The following BTC variants were observed in gnomAD, a reference collection of about 807,000 sequenced individuals.
BTC encodes betacellulin.
Under a neutral mutation model 18.1 loss-of-function variants are expected in BTC, and 13 were observed. The ratio of observed to expected loss-of-function variants is 0.72; its 90% CI spans 0.47 to 1.14. The LOEUF is 1.14. BTC is among the 50% of genes most tolerant of loss of function. BTC has a pLI of 0.00. For synonymous variants in BTC, 83 were observed against 79.4 expected (o/e 1.05, Z -0.24); for missense variants, 247 against 224.2 (o/e 1.10, Z -0.65).
intron 1 of BTC, among the ~76,000 whole-genome samples, chr4:74,783,076 A>G (rs1725379264): frequency 6.6e-6 from 1 of 152,028 alleles, no homozygotes; most frequent in Admixed American, 6.6e-5. Flanking sequence ...AACAGTTTCT[A>G]TTGCTGTGCA....
chr4:74,788,156 A>T (rs1380756517), intron 1 of BTC, among the ~76,000 whole-genome samples: 1 of 152,234 alleles, frequency 6.6e-6, no homozygotes, highest in Non-Finnish European at 1.5e-5. Context: ...GAACTGTATC[A>T]ATAATTCAGG....
intron 5 of BTC, among the ~76,000 whole-genome samples, chr4:74,747,146 T>A (rs1724313564): frequency 6.6e-6 from 1 of 152,192 alleles, no homozygotes; most frequent in Non-Finnish European, 1.5e-5. Context: ...TTGAGTTGGA[T>A]TTTATGTTAT....
At chr4:74,793,378 G>T in intron 1 of BTC, among the ~76,000 whole-genome samples, 1 of 152,102 alleles carries the variant, frequency 6.6e-6, no homozygotes, top group East Asian at 1.9e-4. Flanking sequence ...TTCATTTGTG[G>T]TGTCCCCTTC....
At position 74,794,492 on chromosome 4, in the gene BTC, C is replaced by T; in HGVS notation, c.-167G>A. On this transcript the variant is annotated 5_prime_UTR_variant, in exon 1 of 6. It adds an upstream start codon to the 5' untranslated region. Coordinates refer to ENST00000395743, the MANE Select transcript of BTC (RefSeq NM_001729.4). ...ACCCTGGCTACAAGGCAGGGAAACA[C>T]CCAGGGCGGGAGGCCGGCCGGCTCC... The T allele has an allele frequency of 3.8e-6, 3 of 784,900 alleles. No homozygotes were observed. The highest frequency in any genetic ancestry group is 5.8e-6 in the Non-Finnish European group (3 of 517,162). The allele number at this position is 784,900 out of a possible 1,614,324, so 48.6% of individuals were successfully genotyped here.
At chr4:74,755,402 AC>A (rs1366020814) in intron 3 of BTC, among the ~76,000 whole-genome samples, 7 of 152,208 alleles carry the variant, frequency 4.6e-5, no homozygotes, top group Non-Finnish European at 7.3e-5. Context: ...ACTATACTAA[AC>A]AGGCTTCGCT....
intron 1 of BTC, among the ~76,000 whole-genome samples, chr4:74,793,962 T>C (rs1725700691): frequency 6.6e-6 from 1 of 150,584 alleles, no homozygotes; most frequent in Non-Finnish European, 1.5e-5. Context: ...CCCTCTGCTG[T>C]GCGCACAAGT....
chr4:74,773,433 C>A (rs1725095916), intron 1 of BTC, among the ~76,000 whole-genome samples: 1 of 152,038 alleles, frequency 6.6e-6, no homozygotes, highest in Non-Finnish European at 1.5e-5. Context: ...ACAAAACTAT[C>A]TACTAAACAA....
Position 74,748,154 on chromosome 4 carries a change from G to A in BTC, c.429-5C>T. 6.4e-7 allele frequency: 1 copy of A among 1,571,424 alleles called. No individual in the cohort carries two copies. The highest frequency in any genetic ancestry group is 1.7e-4 in the Middle Eastern group (1 of 5,994). The stretch of plus-strand genomic sequence containing the variant: ...TTACGACGTTTCCGAAGAGGGCTTG[G>A]AAAATACGTGTTAGAAGTTAGTATG... On this transcript the variant is annotated splice_polypyrimidine_tract_variant and splice_region_variant and intron_variant, in intron 4 of 5. Coordinates refer to ENST00000395743, the MANE Select transcript of BTC (RefSeq NM_001729.4).
At chr4:74,787,988 T>A (rs1725526127) in intron 1 of BTC, among the ~76,000 whole-genome samples, 1 of 152,146 alleles carries the variant, frequency 6.6e-6, no homozygotes, top group Admixed American at 6.6e-5. Context: ...CTGTAGGGAA[T>A]AAGGTAAAAG....
In BTC at chr4:74,748,096, A is replaced by G; in HGVS notation, c.482T>C (p.Leu161Pro). The G allele has an allele frequency of 6.2e-7, 1 of 1,611,156 alleles. No homozygotes were observed. ...ATTGATAGGAGTTATATCTTTACCCAGAGTTTCCATTTCTTCTTCTTTCTT... is the reference window on the plus strand; with the variant it reads ...ATTGATAGGAGTTATATCTTTACCCGGAGTTTCCATTTCTTCTTCTTTCTT... ...RKKKEEEMET[L>P]GKDITPINED... is the part of the protein sequence containing the mutation. The change falls in exon 5 of 6, where the codon CTG becomes CCG. Residue 161 changes from leucine (L) to proline (P), a missense_variant. Physicochemically the swap from Leu to Pro is moderately conservative, Grantham distance 98. Transcript: ENST00000395743.
Position 74,786,665 on chromosome 4 carries a change from G to C in BTC, c.64+7597C>G, listed in dbSNP as rs770117222. Reference sequence around the variant, plus strand: ...CTGACATCTCACAGAATTCAAGGGTGTTTTTAAATAAACCACTGGAGAGTG... The same window carrying C: ...CTGACATCTCACAGAATTCAAGGGTCTTTTTAAATAAACCACTGGAGAGTG... On this transcript the variant is annotated intron_variant, in intron 1 of 5. Coordinates refer to ENST00000395743, the MANE Select transcript of BTC (RefSeq NM_001729.4). Among the ~76,000 whole-genome samples the C allele has an allele frequency of 1.5e-3, 223 of 152,304 alleles. 1 individual carries two copies. Among genetic ancestry groups the C allele is most frequent in the Non-Finnish European group, 7.8e-4 (53 of 68,016 alleles).
At chr4:74,794,205 C>G (rs1462095072) in intron 1 of BTC, 57 bp downstream of exon 1, 3 of 1,545,872 alleles carry the variant, frequency 1.9e-6, no homozygotes, top group East Asian at 4.9e-5. Context: ...TCGCCCTCCC[C>G]GCGACTCCAG....
chr4:74,752,694 T>A (rs1724496236), intron 3 of BTC, among the ~76,000 whole-genome samples: 1 of 152,134 alleles, frequency 6.6e-6, no homozygotes, highest in East Asian at 1.9e-4. Flanking sequence ...TCACTTTTAA[T>A]TGCATGTATA....
chr4:74,782,910 C>T (rs1256700712), intron 1 of BTC, among the ~76,000 whole-genome samples: 1 of 151,970 alleles, frequency 6.6e-6, no homozygotes, highest in African/African-American at 2.4e-5. Flanking sequence ...TCGAGAAGTG[C>T]CTGTTCGTGT....
Position 74,777,643 on chromosome 4 carries a change from C to G in BTC, c.65-7487G>C, listed in dbSNP as rs143726928. Among the ~76,000 whole-genome samples the G allele has an allele frequency of 3.3e-3, 502 of 151,984 alleles. 2 individuals carry two copies. Among genetic ancestry groups the G allele is most frequent in the African/African-American group, 0.011 (471 of 41,476 alleles). On this transcript the variant is annotated intron_variant, in intron 1 of 5. Transcript: ENST00000395743. The stretch of plus-strand genomic sequence containing the variant: ...TGGAAGAAATTTGAAGTTAATATGC[C>G]TCAGCTAATTAATAGAAATATGACA...
chr4:74,782,628 A>G (rs1029422283), intron 1 of BTC, among the ~76,000 whole-genome samples: 6 of 152,146 alleles, frequency 3.9e-5, no homozygotes, highest in African/African-American at 1.4e-4. Flanking sequence ...TAATGGGATT[A>G]CTGGGTTAAA....
chr4:74,784,581 T>C (rs947476306), intron 1 of BTC, among the ~76,000 whole-genome samples: 9 of 152,202 alleles, frequency 5.9e-5, no homozygotes, highest in Non-Finnish European at 1.5e-5. Flanking sequence ...TGGCTCTTAC[T>C]GTTTTGACGT....
chr4:74,770,266 G>A (rs551767443), intron 1 of BTC, 110 bp from the exon 2 acceptor site: 11 of 848,610 alleles, frequency 1.3e-5, no homozygotes, highest in Non-Finnish European at 2.0e-5. Context: ...CAAGACTATG[G>A]TTTCCATTTC....
At chr4:74,756,190 C>T (rs1448247808) in intron 2 of BTC, among the ~76,000 whole-genome samples, 3 of 152,068 alleles carry the variant, frequency 2.0e-5, no homozygotes, top group African/African-American at 7.2e-5. Flanking sequence ...ATGTTTCCTA[C>T]TTTAATTAAG....
Sources: allele counts gnomAD v4.1 joint callset (sites outside exome capture counted in the v4.1 genomes callset), GRCh38; gene constraint gnomAD v4.1.1; transcripts MANE v1.5; gene names NCBI Gene and HGNC (gene_info 2026-07-23, HGNC 2026-07-21).